The following KIF24 variants were observed in gnomAD, a reference collection of about 807,000 sequenced individuals.
KIF24 encodes the protein kinesin family member 24, also known as kinesin-like protein KIF24.
KIF24 carries 81 observed loss-of-function variants against 118.9 expected under a neutral mutation model. The ratio of observed to expected loss-of-function variants is 0.68; its 90% CI spans 0.57 to 0.82. The LOEUF is 0.82. KIF24 is among the 40% of genes least tolerant of loss of function. KIF24 has a pLI of 0.00. For synonymous variants in KIF24, 599 were observed against 610.0 expected (o/e 0.98, Z 0.27); for missense variants, 1,560 against 1,661.6 (o/e 0.94, Z 1.06).
chr9:34,305,697 G>A (rs1836887030), intron 3 of KIF24, among the ~76,000 whole-genome samples: 1 of 152,138 alleles, frequency 6.6e-6, no homozygotes, highest in African/African-American at 2.4e-5. Context: ...CAGAACTCCT[G>A]GGCTCAAGTG....
chr9:34,312,681 T>C (rs754347258), intron 1 of KIF24, among the ~76,000 whole-genome samples: 2 of 152,154 alleles, frequency 1.3e-5, no homozygotes, highest in East Asian at 1.9e-4. Flanking sequence ...CCTAAACTAA[T>C]CCTGGCCTTC....
At chr9:34,259,779 G>A in intron 9 of KIF24, 74 bp from the exon 10 acceptor site, 1 of 934,472 alleles carries the variant, frequency 1.1e-6, no homozygotes, top group Middle Eastern at 2.1e-4. Context: ...ACTAGGTGCA[G>A]GATGCTGGGC....
At chr9:34,269,450 C>CAAAA in intron 7 of KIF24, 88 bp from the exon 8 acceptor site, 2 of 598,634 alleles carry the variant, frequency 3.3e-6, no homozygotes, top group Non-Finnish European at 5.2e-6. Context: ...GACGGAGTCT[C>CAAAA]ACTCTGTCGC....
chr9:34,271,511 G>A (rs144756119), intron 7 of KIF24, among the ~76,000 whole-genome samples: 1 of 151,820 alleles, frequency 6.6e-6, no homozygotes, highest in African/African-American at 2.4e-5. Flanking sequence ...TTTTTTTGGC[G>A]TGTAAGCTCT....
intron 8 of KIF24, among the ~76,000 whole-genome samples, chr9:34,264,297 G>A (rs1177962575): frequency 6.6e-6 from 1 of 151,958 alleles, no homozygotes; most frequent in Non-Finnish European, 1.5e-5. Flanking sequence ...GGGCATGGTG[G>A]CACATGCCTG....
chr9:34,266,323 A>C (rs1835286788), intron 8 of KIF24, among the ~76,000 whole-genome samples: 1 of 152,214 alleles, frequency 6.6e-6, no homozygotes, highest in African/African-American at 2.4e-5. Flanking sequence ...GGGCTAACAC[A>C]GTAGTGATAA....
In KIF24 at chr9:34,256,037, C is replaced by G. The variant is rs753363077; in HGVS notation, c.3570G>C (p.Lys1190Asn). The G allele has an allele frequency of 6.2e-7, 1 of 1,613,996 alleles. No individual in the cohort carries two copies. Among genetic ancestry groups the G allele is most frequent in the Non-Finnish European group, 8.5e-7 (1 of 1,179,890 alleles). Residue 1190 changes from lysine (K) to asparagine (N), a missense_variant, in exon 11 of 13, where the codon AAG (lysine) becomes AAC (asparagine). Coordinates refer to ENST00000402558, the MANE Select transcript of KIF24 (RefSeq NM_194313.4). ...GLDGSWGFPG[K>N]PFTTIHMGVP... The stretch of plus-strand genomic sequence containing the variant: ...CCCCCATATGTATGGTGGTGAAGGG[C>G]TTTCCTGGGAAACCCCAGGAGCCAT...
intron 10 of KIF24, 103 bp downstream of exon 10, chr9:34,259,493 G>A (rs1834974688): frequency 2.5e-6 from 2 of 803,858 alleles, no homozygotes; most frequent in South Asian, 3.1e-5. Context: ...ACATGTGCAT[G>A]CACTTGCACA....
rs1206836174 is a variant in KIF24 at position 34,257,742 on chromosome 9, G to A, written c.1865C>T (p.Ser622Phe). The change falls in exon 11 of 13, where the codon TCT becomes TTT. Residue 622 changes from serine to phenylalanine, a missense_variant. Physicochemically the swap from Ser to Phe is radical, Grantham distance 155. Transcript: ENST00000402558. ...CCTTTTACCAGAGACCTTAGGTGCA[G>A]AAGTAAAAGGAATGTTGGGTGGGTG... ...TSHPPNIPFT[S>F]APKVSGKRGG... The A allele has an allele frequency of 1.2e-6, 2 of 1,613,912 alleles. No homozygotes were observed. The highest frequency in any genetic ancestry group is 1.7e-6 in the Non-Finnish European group (2 of 1,179,896).
Position 34,271,894 on chromosome 9 carries a change from C to T in KIF24, c.1252G>A (p.Ala418Thr), listed in dbSNP as rs1462965863. ...GAGGAGTCTGCATTAACTCCAGTGGCCCCAGTGCTGCGCTCCTTGCTGCCC... is the reference window on the plus strand; with the variant it reads ...GAGGAGTCTGCATTAACTCCAGTGGTCCCAGTGCTGCGCTCCTTGCTGCCC... The part of the protein sequence containing the change: ...LKGSKERSTG[A>T]TGVNADSSRS... Residue 418 changes from alanine to threonine, a missense_variant, in exon 7 of 13, where the codon GCC becomes ACC. Ala to Thr is a moderately conservative substitution (Grantham distance 58). Coordinates refer to ENST00000402558, the MANE Select transcript of KIF24 (RefSeq NM_194313.4). 2 of 1,606,710 alleles carry T rather than the reference C, an allele frequency of 1.2e-6. No homozygotes were observed. Among genetic ancestry groups the T allele is most frequent in the Admixed American group, 1.7e-5 (1 of 58,750 alleles).
chr9:34,280,052 A>G (rs1835789963), intron 6 of KIF24, among the ~76,000 whole-genome samples: 1 of 151,724 alleles, frequency 6.6e-6, no homozygotes, highest in Non-Finnish European at 1.5e-5. Flanking sequence ...TGGGAGGCCG[A>G]GGCAGGCGGA....
intron 1 of KIF24, among the ~76,000 whole-genome samples, chr9:34,320,657 T>G (rs1431447243): frequency 1.8e-4 from 1 of 5,620 alleles, no homozygotes; most frequent in Non-Finnish European, 3.8e-4. Context: ...AAACTCCTTC[T>G]CAAAAAAAAA....
At chr9:34,259,462 A>G (rs934529934) in intron 10 of KIF24, 134 bp downstream of exon 10, 2 of 675,704 alleles carry the variant, frequency 3.0e-6, no homozygotes, top group African/African-American at 1.8e-5. Context: ...TCAGATCCCT[A>G]TGTGTGTGTG....
At chr9:34,255,690 T>G (rs760746155) in intron 11 of KIF24, 45 bp downstream of exon 11, 18 of 1,487,774 alleles carry the variant, frequency 1.2e-5, no homozygotes, top group African/African-American at 5.5e-5. Flanking sequence ...GAGTGGAGGG[T>G]GGGTGCCAAA....
At chr9:34,259,191 T>C (rs1834964030) in intron 10 of KIF24, among the ~76,000 whole-genome samples, 1 of 152,228 alleles carries the variant, frequency 6.6e-6, no homozygotes. Flanking sequence ...CACAGATAGC[T>C]CTAAGTGATT....
intron 1 of KIF24, among the ~76,000 whole-genome samples, chr9:34,326,682 GC>G (rs1837681585): frequency 6.6e-6 from 1 of 152,176 alleles, no homozygotes; most frequent in Non-Finnish European, 1.5e-5. Flanking sequence ...AGGTTGGCTG[GC>G]ATAGTAGGTG....
At position 34,259,619 on chromosome 9, in the gene KIF24, G is replaced by C; in HGVS notation, c.1602C>G (p.Leu534=). The C allele has an allele frequency of 1.9e-6, 3 of 1,613,918 alleles. No individual in the cohort carries two copies. Among genetic ancestry groups the C allele is most frequent in the South Asian group, 1.1e-5 (1 of 91,084 alleles). Residue 534 remains leucine (L), a synonymous_variant, in exon 10 of 13, where the codon CTC becomes CTG. Transcript: ENST00000402558. ...SPSHVATEHT[L]NTLRYADRVK... ...ACCGGTCAGCATAGCGCAAGGTGTTGAGAGTGTGTTCAGTGGCCACGTGGC... is the reference window on the plus strand; with the variant it reads ...ACCGGTCAGCATAGCGCAAGGTGTTCAGAGTGTGTTCAGTGGCCACGTGGC...
At chr9:34,282,774 G>C (rs1030565276) in intron 6 of KIF24, 1 of 152,106 alleles carries the variant, frequency 6.6e-6, no homozygotes, top group African/African-American at 2.4e-5. Context: ...AAACTGAGCG[G>C]GACGCAGTGC....
intron 3 of KIF24, among the ~76,000 whole-genome samples, chr9:34,303,738 A>C (rs537718472): frequency 2.6e-5 from 4 of 152,126 alleles, no homozygotes; most frequent in Admixed American, 2.6e-4. Flanking sequence ...AGTCCCAGCT[A>C]CTCAAGAGGC....
Sources: gnomAD v4.1 joint callset for allele counts (sites outside exome capture counted in the v4.1 genomes callset) on GRCh38, gnomAD v4.1.1 for gene constraint, MANE v1.5 for transcripts, NCBI Gene and HGNC (gene_info 2026-07-23, HGNC 2026-07-21) for gene names.